Variants in TARS1 observed in about 807,000 individuals in gnomAD.
The protein encoded by TARS1 is threonyl-tRNA synthetase 1, also known as threonine--tRNA ligase 1, cytoplasmic.
A neutral mutation model predicts 97.7 loss-of-function variants in TARS1; 57 were observed. That is an observed-to-expected ratio of 0.58 (90% CI 0.47 to 0.73). TARS1 has a LOEUF of 0.73. Ranked by LOEUF, TARS1 falls within the 30% of genes least tolerant of loss-of-function variation. The pLI is 0.00. For synonymous variants in TARS1, 312 were observed against 293.7 expected (o/e 1.06, Z -0.64); for missense variants, 806 against 888.3 (o/e 0.91, Z 1.18).
Position 33,461,692 on chromosome 5 carries a change from T to A in TARS1, c.1577T>A (p.Phe526Tyr). ...CAACTTGAAAACAGTCTGAATGAAT[T>A]TGGTGAAAAGTGGGAGTTAAACTCT... ...EKQLENSLNE[F>Y]GEKWELNSGD... The change falls in exon 14 of 19, where the codon TTT becomes TAT. Residue 526 changes from phenylalanine (F) to tyrosine (Y), a missense_variant. By Grantham distance (22) the Phe-to-Tyr change is conservative (BLOSUM62 3). Around this residue, in one of 3 missense-constraint regions of TARS1, gnomAD observed 446 missense variants for 511.0 expected, o/e 0.87. Transcript: ENST00000265112. 1 of 1,614,108 alleles carries A rather than the reference T, an allele frequency of 6.2e-7. No individual in the cohort carries two copies. The highest frequency in any genetic ancestry group is 8.5e-7 in the Non-Finnish European group (1 of 1,179,998).
At chr5:33,440,795 T>C (rs555588185), upstream of TARS1, 7 of 528,742 alleles carry the variant, frequency 1.3e-5, no homozygotes, top group South Asian at 5.5e-5. Flanking sequence ...AGAGTAGGCA[T>C]GTAGCTTCTG....
rs749888012 is a variant in TARS1 at position 33,466,874 on chromosome 5, C to T, written c.1912C>T (p.Arg638Ter). 26 of 1,591,988 alleles carry T rather than the reference C, an allele frequency of 1.6e-5. No individual in the cohort carries two copies. The highest frequency in any genetic ancestry group is 3.4e-5 in the South Asian group (3 of 87,642). ...TTCTGTATCTCTGTTACAATAGGTA[C>T]GACAACAATTCCACGATGCCAAATT... ...PTCDEYAQKV[R>*]QQFHDAKFMA... The change falls in exon 18 of 19, where the codon CGA becomes TGA. Residue 638 changes from arginine to a stop codon, truncating the protein, a stop_gained. Coordinates refer to ENST00000265112, the MANE Select transcript of TARS1 (RefSeq NM_152295.5). LOFTEE classifies it high-confidence loss of function.
intron 1 of TARS1, among the ~76,000 whole-genome samples, chr5:33,443,341 C>CTCTCTT (rs1741229802): frequency 2.7e-5 from 4 of 150,444 alleles, no homozygotes; most frequent in African/African-American, 9.9e-5. Context: ...CTCTCTCTCT[C>CTCTCTT]TCTCTCTCTC....
chr5:33,443,786 C>T (rs1264528125), intron 1 of TARS1, among the ~76,000 whole-genome samples: 6 of 152,138 alleles, frequency 3.9e-5, no homozygotes, highest in African/African-American at 1.2e-4. Flanking sequence ...TGAGCCACCG[C>T]GCCCAGCCGC....
chr5:33,457,231 G>C, intron 8 of TARS1, 26 bp from the exon 9 acceptor site: 6 of 1,605,332 alleles, frequency 3.7e-6, no homozygotes, highest in Non-Finnish European at 4.3e-6. Flanking sequence ...TTTGAATGTT[G>C]TTTCATGGTT....
rs773217920 is a variant in TARS1 at position 33,456,331 on chromosome 5, G to T, written c.837+104G>T. The T allele has an allele frequency of 3.2e-6, 3 of 941,072 alleles. No individual in the cohort carries two copies. The Admixed American group carries it at 7.4e-5, about 23-fold the overall frequency. The allele number at this position is 941,072 out of a possible 1,614,324, so 58.3% of individuals were successfully genotyped here. A position where few individuals can be genotyped will look rare whatever the true frequency, so the allele number is the denominator to read the frequency against. On this transcript the variant is annotated intron_variant, in intron 8 of 18. Coordinates refer to ENST00000265112, the MANE Select transcript of TARS1 (RefSeq NM_152295.5). ...TACCATTTTCTGTTGCACATGAAAGGATGGTATTTTCTCATGCTCTCTATT... is the reference window on the plus strand; with the variant it reads ...TACCATTTTCTGTTGCACATGAAAGTATGGTATTTTCTCATGCTCTCTATT...
chr5:33,443,704 C>T (rs905272402), intron 1 of TARS1, among the ~76,000 whole-genome samples: 12 of 152,006 alleles, frequency 7.9e-5, no homozygotes, highest in African/African-American at 2.7e-4. Flanking sequence ...ACCGTGTTAG[C>T]CAGGATGGTC....
At chr5:33,462,603 C>G (rs1224813798) in intron 16 of TARS1, among the ~76,000 whole-genome samples, 1 of 152,168 alleles carries the variant, frequency 6.6e-6, no homozygotes, top group African/African-American at 2.4e-5. Flanking sequence ...CTAATCATAA[C>G]AAGCAGGTAT....
chr5:33,445,209 A>AT (rs1019025840), intron 1 of TARS1, 115 bp from the exon 2 acceptor site: 34 of 795,004 alleles, frequency 4.3e-5, no homozygotes, highest in African/African-American at 7.0e-5. Context: ...TCAGATTTCC[A>AT]TTTTTTTTAA....
chr5:33,460,183 C>T (rs1031251683), intron 11 of TARS1, among the ~76,000 whole-genome samples: 1 of 152,046 alleles, frequency 6.6e-6, no homozygotes, highest in African/African-American at 2.4e-5. Flanking sequence ...CGTTGCTCAG[C>T]CTGGTCTCAA....
intron 10 of TARS1, 88 bp from the exon 11 acceptor site, chr5:33,459,607 G>A (rs1742194357): frequency 7.0e-7 from 1 of 1,436,634 alleles, no homozygotes. Context: ...TTTCATGAGA[G>A]AGTATAAAAT....
At chr5:33,449,353 A>ATG (rs1360727660) in intron 3 of TARS1, among the ~76,000 whole-genome samples, 7 of 146,500 alleles carry the variant, frequency 4.8e-5, no homozygotes, top group African/African-American at 1.8e-4. Context: ...GTGTATATAT[A>ATG]TATATCTTAA....
chr5:33,457,521 A>G, intron 9 of TARS1, 118 bp downstream of exon 9: 1 of 1,077,016 alleles, frequency 9.3e-7, no homozygotes, highest in Non-Finnish European at 1.4e-6. Flanking sequence ...GTGGCTTTTT[A>G]GTAACTGGTG....
Position 33,445,368 on chromosome 5 carries a change from G to C in TARS1, c.102G>C (p.Lys34Asn). 1 of 1,613,334 alleles carries C rather than the reference G, an allele frequency of 6.2e-7. No homozygotes were observed. The highest frequency in any genetic ancestry group is 1.1e-5 in the South Asian group (1 of 90,970). Residue 34 changes from lysine (K) to asparagine (N), a missense_variant, in exon 2 of 19, where the codon AAG (lysine) becomes AAC (asparagine). This residue lies in a region of TARS1 where 356 missense variants were observed against 357.8 expected (regional missense o/e 0.99). Transcript: ENST00000265112. ...AGCAAAAGGAAGGAGGCAAAAAGAA[G>C]AACAAAGAAGGATCTGGAGATGGAG... ...EEKQKEGGKK[K>N]NKEGSGDGGR...
At chr5:33,448,518 C>T in intron 2 of TARS1, 23 bp from the exon 3 acceptor site, 1 of 1,511,616 alleles carries the variant, frequency 6.6e-7, no homozygotes. Context: ...CATTTATTTC[C>T]TGATTTGTTT....
Position 33,458,572 on chromosome 5 carries a change from G to T in TARS1, c.991G>T (p.Glu331Ter). 1 of 1,612,710 alleles carries T rather than the reference G, an allele frequency of 6.2e-7. No homozygotes were observed. The highest frequency in any genetic ancestry group is 8.5e-7 in the Non-Finnish European group (1 of 1,179,502). ...RDHRKIGRDQ[E>*]LYFFHELSPG... ...TTGCTTTTCTTTTACCCAGGACCAA[G>T]AACTATATTTCTTTCATGAACTCAG... Residue 331 changes from glutamate (E) to a stop codon, truncating the protein, a stop_gained, in exon 10 of 19, where the codon GAA becomes TAA. Coordinates refer to ENST00000265112, the MANE Select transcript of TARS1 (RefSeq NM_152295.5). LOFTEE classifies it high-confidence loss of function.
Position 33,467,701 on chromosome 5 carries a change from AATTTTAATGAAAAAATTACCC to A in TARS1, c.2167_*15del. 6.2e-7 allele frequency: 1 copy of A among 1,608,504 alleles called. No homozygotes were observed. The highest frequency in any genetic ancestry group is 8.5e-7 in the Non-Finnish European group (1 of 1,178,478). On this transcript the variant is annotated stop_lost and 3_prime_UTR_variant, in exon 19 of 19. Coordinates refer to ENST00000265112, the MANE Select transcript of TARS1 (RefSeq NM_152295.5). ...TTCCGCAGCAAACAGGCAGAAGAAGAATTTTAATGAAAAAATTACCCAGATTGGCTCCATGGAAAAGGAGGA... is the reference window on the plus strand; with the variant it reads ...TTCCGCAGCAAACAGGCAGAAGAAGAAGATTGGCTCCATGGAAAAGGAGGA...
In TARS1 at chr5:33,466,856, T is replaced by G; in HGVS notation, c.1909-15T>G. ...GATTTTAGATCTGACAAATTCTGTA[T>G]CTCTGTTACAATAGGTACGACAACA... On this transcript the variant is annotated splice_polypyrimidine_tract_variant and intron_variant, in intron 17 of 18. Coordinates refer to ENST00000265112, the MANE Select transcript of TARS1 (RefSeq NM_152295.5). The G allele has an allele frequency of 6.4e-7, 1 of 1,554,660 alleles. No individual in the cohort carries two copies.
rs1351285053 is a variant in TARS1, at chr5:33,441,222, G to C, written c.57+79G>C. On this transcript the variant is annotated intron_variant, in intron 1 of 18. Coordinates refer to ENST00000265112, the MANE Select transcript of TARS1 (RefSeq NM_152295.5). ...ACGCTACGCTCGCGGCGGGAGCGGG[G>C]GGCAGGAAGCAGGAAGCGGCCGGGA... is the stretch of plus-strand genomic sequence containing the variant. The C allele has an allele frequency of 2.8e-5, 44 of 1,580,812 alleles. No homozygotes were observed. In the East Asian group the frequency reaches 9.9e-4, roughly 35 times the overall value.
Sources: allele counts gnomAD v4.1 joint callset (sites outside exome capture counted in the v4.1 genomes callset), GRCh38; gene constraint gnomAD v4.1.1; regional missense constraint gnomAD v4.1.1; transcripts MANE v1.5; gene names NCBI Gene and HGNC (gene_info 2026-07-23, HGNC 2026-07-21).